The following DNASE1 variants were observed in gnomAD, a reference collection of about 807,000 sequenced individuals.
DNASE1 encodes the protein deoxyribonuclease-1.
A neutral mutation model predicts 33.9 loss-of-function variants in DNASE1; 40 were observed. The ratio of observed to expected loss-of-function variants is 1.18; its 90% CI spans 0.92 to 1.54. DNASE1 has a LOEUF of 1.54. Among genes scored for constraint, DNASE1 ranks in the 40% most tolerant of loss-of-function variants. DNASE1 has a pLI of 0.00. For missense variants in DNASE1, 518 were observed against 372.6 expected (o/e 1.39, Z -3.21); for synonymous variants, 216 against 160.0 (o/e 1.35, Z -2.64).
At chr16:3,664,568 C>T in exon 10 of DNASE1, 1 of 1,244,752 alleles carries the variant, frequency 8.0e-7, no homozygotes, top group Non-Finnish European at 1.1e-6. Flanking sequence ...GCACTCCAGG[C>T]TGGCCCTGAC....
At chr16:3,664,050 A>C in exon 10 of DNASE1, 1 of 506,176 alleles carries the variant, frequency 2.0e-6, no homozygotes, top group Non-Finnish European at 3.4e-6. Flanking sequence ...GCGAGAGAGC[A>C]AGACTCCATC....
downstream of DNASE1, chr16:3,659,764 G>GATAA (rs1471865641): frequency 1.3e-5 from 2 of 150,948 alleles, no homozygotes. Flanking sequence ...TAGATAGATA[G>GATAA]ATAGATAGAT....
At chr16:3,659,753 ATAG>A (rs1489352986), downstream of DNASE1, 3 of 54,328 alleles carry the variant, frequency 5.5e-5, no homozygotes, top group African/African-American at 7.4e-4. Context: ...TTTTTTTTAG[ATAG>A]ATAGATAGAT....
At chr16:3,634,102 A>C (rs1247675794) in intron 1 of DNASE1, among the ~76,000 whole-genome samples, 1 of 150,548 alleles carries the variant, frequency 6.6e-6, no homozygotes, top group Non-Finnish European at 1.5e-5. Flanking sequence ...GAACCACCGC[A>C]CCTGGCCATA....
upstream of DNASE1, among the ~76,000 whole-genome samples, chr16:3,639,933 G>A (rs1567197143): frequency 6.6e-6 from 1 of 152,186 alleles, no homozygotes; most frequent in Non-Finnish European, 1.5e-5. Context: ...GGTGAATTTT[G>A]TTGAATTCCT....
At chr16:3,631,134 T>C (rs568235203) in intron 1 of DNASE1, among the ~76,000 whole-genome samples, 1 of 152,196 alleles carries the variant, frequency 6.6e-6, no homozygotes, top group Admixed American at 6.5e-5. Flanking sequence ...GCGATTCTCC[T>C]GCCTCAGCTT....
At chr16:3,620,274 GAGTCACATCATTCATCACATCATTT>G (rs2041260109) in intron 1 of DNASE1, among the ~76,000 whole-genome samples, 1 of 152,246 alleles carries the variant, frequency 6.6e-6, no homozygotes, top group South Asian at 2.1e-4. Context: ...TACATTCATT[GAGTCACATCATTCATCACATCATTT>G]AGTCACGTGA....
chr16:3,613,448 G>C (rs1200063823), intron 1 of DNASE1, among the ~76,000 whole-genome samples: 1 of 152,202 alleles, frequency 6.6e-6, no homozygotes, highest in African/African-American at 2.4e-5. Flanking sequence ...CATAACACAA[G>C]TTTTTGTGTT....
At position 3,663,354 on chromosome 16, in the gene DNASE1, C is replaced by A; in HGVS notation, c.*5401C>A. 9 of 1,587,774 alleles carry A rather than the reference C, an allele frequency of 5.7e-6. No homozygotes were observed. In the South Asian group the frequency reaches 9.0e-5, roughly 16 times the overall value. ...CTGACGAAAACCCAAAGGAAGCCCT[C>A]GCTGCGGGGCAGGAGAGGCGTGCGG... On this transcript the variant is annotated 3_prime_UTR_variant, in exon 10 of 10. Coordinates refer to the DNASE1 transcript ENST00000407479.
rs140606892 is a variant in DNASE1, at chr16:3,643,806, G to C, written c.-86+770G>C. ...AGATGGAGTCTCGCTCTGTGGCCCA[G>C]GCTGGAGTGCAGTGGCGCGATCTCG... is the stretch of plus-strand genomic sequence containing the variant. On this transcript the variant is annotated intron_variant, in intron 1 of 9. Coordinates refer to the DNASE1 transcript ENST00000407479. 8.2e-3 allele frequency among the ~76,000 whole-genome samples: 1,247 copies of C among 152,228 alleles called. 21 individuals are homozygous for C. Among genetic ancestry groups the C allele is most frequent in the African/African-American group, 0.028 (1,161 of 41,534 alleles).
chr16:3,625,189 C>T (rs534284503), intron 1 of DNASE1, among the ~76,000 whole-genome samples: 2 of 152,104 alleles, frequency 1.3e-5, no homozygotes, highest in Non-Finnish European at 2.9e-5. Context: ...GCCTGTAATC[C>T]CAGCTACTTG....
chr16:3,655,511 C>T lies in DNASE1; in HGVS notation c.138C>T (p.Tyr46=), dbSNP rs1484005299. The T allele has an allele frequency of 1.2e-6, 2 of 1,614,126 alleles. No homozygotes were observed. Among genetic ancestry groups the T allele is most frequent in the Admixed American group, 1.7e-5 (1 of 60,024 alleles). Residue 46 remains tyrosine (Y), a synonymous_variant, in exon 2 of 9, where the codon TAC becomes TAT. Coordinates refer to ENST00000246949, the MANE Select transcript of DNASE1 (RefSeq NM_005223.4). ...TKMSNATLVS[Y]IVQILSRYDI... is the part of the protein sequence containing the mutation. Reference sequence around the variant, plus strand: ...TGTCCAATGCCACCCTCGTCAGCTACATTGTGCAGGTGAGGCCAGGGCAGC... The same window carrying T: ...TGTCCAATGCCACCCTCGTCAGCTATATTGTGCAGGTGAGGCCAGGGCAGC...
chr16:3,656,594 G>A (rs1403047542), intron 4 of DNASE1, 44 bp from the exon 5 acceptor site: 6 of 1,541,002 alleles, frequency 3.9e-6, no homozygotes, highest in Non-Finnish European at 5.3e-6. Context: ...GAGTGGGGCA[G>A]CTTCCAGCCT....
chr16:3,655,803 TG>T (rs769527177), intron 2 of DNASE1, 45 bp from the exon 3 acceptor site: 1 of 1,605,804 alleles, frequency 6.2e-7, no homozygotes, highest in African/African-American at 1.3e-5. Flanking sequence ...GTAGGGTCCC[TG>T]GGTGGCACCA....
intron 1 of DNASE1, among the ~76,000 whole-genome samples, chr16:3,624,508 G>C (rs1291147471): frequency 6.6e-6 from 1 of 152,152 alleles, no homozygotes; most frequent in Non-Finnish European, 1.5e-5. Context: ...GTTCACAGTG[G>C]CTGAAGCTGT....
intron 1 of DNASE1, among the ~76,000 whole-genome samples, chr16:3,612,998 A>G (rs935807605): frequency 5.3e-5 from 8 of 152,212 alleles, no homozygotes; most frequent in African/African-American, 1.9e-4. Flanking sequence ...TAAAAGATAC[A>G]GTATCATAAA....
In DNASE1 at chr16:3,657,714, C is replaced by T; in HGVS notation, c.705-6C>T. The T allele has an allele frequency of 1.9e-6, 3 of 1,613,968 alleles. No individual in the cohort carries two copies. Among genetic ancestry groups the T allele is most frequent in the South Asian group, 1.1e-5 (1 of 91,072 alleles). On this transcript the variant is annotated splice_region_variant and splice_polypyrimidine_tract_variant and intron_variant, in intron 7 of 8. Transcript: ENST00000246949. ...GAACCTACTTTCTCTTCCCAACACCCATCAGGATCGTGGTTGCAGGGATGC... is the reference window on the plus strand; with the variant it reads ...GAACCTACTTTCTCTTCCCAACACCTATCAGGATCGTGGTTGCAGGGATGC...
chr16:3,653,613 T>C (rs1171612348), upstream of DNASE1: 1 of 151,758 alleles, frequency 6.6e-6, no homozygotes, highest in Non-Finnish European at 1.5e-5. Flanking sequence ...TTGAGACCAG[T>C]GTGACCAACA....
At chr16:3,647,698 A>G (rs2042215686) in intron 1 of DNASE1, among the ~76,000 whole-genome samples, 1 of 152,126 alleles carries the variant, frequency 6.6e-6, no homozygotes, top group African/African-American at 2.4e-5. Flanking sequence ...TATTTTATTA[A>G]TAGTATGTGA....
Sources: gnomAD v4.1 joint callset for allele counts (sites outside exome capture counted in the v4.1 genomes callset) on GRCh38, gnomAD v4.1.1 for gene constraint, MANE v1.5 for transcripts, NCBI Gene and HGNC (gene_info 2026-07-23, HGNC 2026-07-21) for gene names.